TBC1D10B: variants seen among roughly 807,000 people sequenced by gnomAD.
TBC1D10B encodes Rab27A-GAPbeta.
A neutral mutation model predicts 78.4 loss-of-function variants in TBC1D10B; 25 were observed. The observed-to-expected ratio is 0.32, with a 90% confidence interval of 0.23 to 0.45. TBC1D10B has a LOEUF of 0.45. Among genes scored for constraint, TBC1D10B ranks in the 20% least tolerant of loss-of-function variants. TBC1D10B has a pLI of 1.00. For synonymous variants in TBC1D10B, 517 were observed against 478.0 expected, an observed-to-expected ratio of 1.08 and a Z score of -1.06; for missense variants, 996 against 1,104.8, an observed-to-expected ratio of 0.90 and a Z score of 1.40.
rs548533806 is a variant in TBC1D10B, at chr16:30,369,692, G to A, written c.492C>T (p.Ala164=). 3 of 1,524,296 alleles carry A rather than the reference G, an allele frequency of 2.0e-6. No homozygotes were observed. Among genetic ancestry groups the A allele is most frequent in the Admixed American group, 4.3e-5 (2 of 46,832 alleles). The allele number at this position is 1,524,296 out of a possible 1,614,324, so 94.4% of individuals were successfully genotyped here. Residue 164 remains alanine (A), a synonymous_variant, in exon 1 of 9, where the codon GCC becomes GCT. Transcript: ENST00000409939. The surrounding 1 kb of genome is among the most constrained non-coding windows in gnomAD (Gnocchi z 4.3). ...TRTPSRTAPG[A]LTAKPPLAPK... ...GGGCAAGCGGGGGTTTGGCGGTCAG[G>A]GCACCAGGAGCCGTTCTGGAAGGGG...
intron 7 of TBC1D10B, 148 bp downstream of exon 7, chr16:30,359,024 G>T: frequency 8.1e-7 from 1 of 1,241,872 alleles, no homozygotes; most frequent in Non-Finnish European, 1.1e-6. Flanking sequence ...ACTAAAATCA[G>T]GCCTGTTTCT....
intron 4 of TBC1D10B, among the ~76,000 whole-genome samples, chr16:30,362,418 C>T (rs1239419768): frequency 6.6e-6 from 1 of 152,230 alleles, no homozygotes; most frequent in Non-Finnish European, 1.5e-5. Context: ...CTACATTTTG[C>T]TCCCAATCAC....
chr16:30,358,983 C>T, intron 7 of TBC1D10B, 166 bp from the exon 8 acceptor site: 1 of 1,202,354 alleles, frequency 8.3e-7, no homozygotes, highest in South Asian at 1.6e-5. Context: ...AGGATCTTGG[C>T]AGGGAGAGCA....
rs1027548338 is a variant in TBC1D10B, at chr16:30,365,022, G to A, written c.1165-16C>T. The A allele has an allele frequency of 1.4e-5, 22 of 1,612,816 alleles. No homozygotes were observed. Among genetic ancestry groups the A allele is most frequent in the Admixed American group, 6.7e-5 (4 of 59,862 alleles). On this transcript the variant is annotated splice_polypyrimidine_tract_variant and intron_variant, in intron 3 of 8. Transcript: ENST00000409939. The surrounding 1 kb of genome is among the most constrained non-coding windows in gnomAD (Gnocchi z 5.0). The stretch of plus-strand genomic sequence containing the variant: ...GTTCCAGCTCCTGCAGTGGGACAGT[G>A]GGGATTACCTCAGCATCTGGGGGAA...
intron 4 of TBC1D10B, among the ~76,000 whole-genome samples, chr16:30,364,278 TA>T (rs1044963169): frequency 6.6e-6 from 1 of 151,884 alleles, no homozygotes; most frequent in African/African-American, 2.4e-5. Flanking sequence ...CCGTCTCTGC[TA>T]AAAACACAAA....
At chr16:30,362,365 G>T (rs140511442) in intron 4 of TBC1D10B, among the ~76,000 whole-genome samples, 2 of 152,238 alleles carry the variant, frequency 1.3e-5, no homozygotes, top group African/African-American at 4.8e-5. Context: ...GACTTTATTG[G>T]ACCCTTCAGC....
chr16:30,369,278 G>C lies in TBC1D10B; in HGVS notation c.906C>G (p.Arg302=). Residue 302 remains arginine (R), a synonymous_variant, in exon 1 of 9, where the codon CGC becomes CGG. Transcript: ENST00000409939. The surrounding 1 kb of genome is among the most constrained non-coding windows in gnomAD (Gnocchi z 4.3). ...SDSEINGLAL[R]KTDKYGFLGG... The stretch of plus-strand genomic sequence containing the variant: ...CAAGGAAGCCATACTTGTCCGTCTT[G>C]CGCAGGGCCAGCCCGTTTATCTCTG... The C allele has an allele frequency of 1.3e-6, 2 of 1,588,268 alleles. No homozygotes were observed. Among genetic ancestry groups the C allele is most frequent in the Non-Finnish European group, 1.7e-6 (2 of 1,168,050 alleles).
Position 30,365,164 on chromosome 16 carries a change from C to T in TBC1D10B, c.1105G>A (p.Ala369Thr). 4 of 1,613,990 alleles carry T rather than the reference C, an allele frequency of 2.5e-6. No homozygotes were observed. The highest frequency in any genetic ancestry group is 3.4e-6 in the Non-Finnish European group (4 of 1,179,876). The change falls in exon 3 of 9, where the codon GCC becomes ACC. Residue 369 changes from alanine (A) to threonine (T), a missense_variant. Ala to Thr is a moderately conservative substitution (Grantham distance 58, BLOSUM62 0). Coordinates refer to ENST00000409939, the MANE Select transcript of TBC1D10B (RefSeq NM_015527.4). This position sits in a 1 kb window ranked among gnomAD's most constrained non-coding sequence, Gnocchi z 5.0. ...TTGCTATTAGACAGGTACTGCCAGG[C>T]TTTGGCTCTGAGAGAGGAGGGGATC... ...KGIPSSLRAK[A>T]WQYLSNSKEL...
chr16:30,359,520 C>T lies in TBC1D10B; in HGVS notation c.1452+18G>A. 6.4e-7 allele frequency: 1 copy of T among 1,555,466 alleles called. No homozygotes were observed. ...GAAACGCCACAGCCCCGGATGCACC[C>T]AGCCTCCAGACACTCACCAGCCCTG... On this transcript the variant is annotated intron_variant, in intron 6 of 8. Transcript: ENST00000409939.
Position 30,357,411 on chromosome 16 carries a change from G to A in TBC1D10B, c.*533C>T, listed in dbSNP as rs1380898515. 1 of 169,858 alleles carries A rather than the reference G, an allele frequency of 5.9e-6. No individual in the cohort carries two copies. The allele number at this position is 169,858 out of a possible 1,614,324, so 10.5% of individuals were successfully genotyped here. ...CCCCTTAAATAAACTGGGTACAGGA[G>A]CATTATGGAAGGAGAACCAAAGGAC... On this transcript the variant is annotated 3_prime_UTR_variant, in exon 9 of 9. Transcript: ENST00000409939.
At position 30,358,779 on chromosome 16, in the gene TBC1D10B, G is replaced by A. The variant is rs372483810; in HGVS notation, c.1681C>T (p.Arg561Cys). The A allele has an allele frequency of 2.2e-5, 35 of 1,608,994 alleles. No homozygotes were observed. Among genetic ancestry groups the A allele is most frequent in the Admixed American group, 1.3e-4 (8 of 59,270 alleles). ...TTCTCCACTGAGCCCAGCGTGTGGC[G>A]CAGCAGGACCAGGGCCACCCGGAAG... ...IIFRVALVLLRHTLGSVEKLR... is the reference protein window; with the variant it reads ...IIFRVALVLLCHTLGSVEKLR... The change falls in exon 8 of 9, where the codon CGC becomes TGC. Residue 561 changes from arginine (R) to cysteine (C), a missense_variant. By Grantham distance (180) the Arg-to-Cys change is radical (BLOSUM62 -3). This residue lies in a region of TBC1D10B where 168 missense variants were observed against 238.7 expected (regional missense o/e 0.70). Transcript: ENST00000409939.
At position 30,358,354 on chromosome 16, in the gene TBC1D10B, C is replaced by A. The variant is rs372281816; in HGVS notation, c.2017G>T (p.Ala673Ser). ...PGLKSRGSRAAGGAPSPPPPV... is the reference protein window; with the variant it reads ...PGLKSRGSRASGGAPSPPPPV... Reference sequence around the variant, plus strand: ...GGCGGCGGGGACGGGGCCCCTCCAGCTGCCCGGGAGCCTCGGCTCTTGAGG... The same window carrying A: ...GGCGGCGGGGACGGGGCCCCTCCAGATGCCCGGGAGCCTCGGCTCTTGAGG... The change falls in exon 9 of 9, where the codon GCT becomes TCT. Residue 673 changes from alanine (A) to serine (S), a missense_variant. Physicochemically the swap from Ala to Ser is moderately conservative, Grantham distance 99. This residue lies in a region of TBC1D10B where 285 missense variants were observed against 252.5 expected (regional missense o/e 1.13). Transcript: ENST00000409939. 36 of 1,558,358 alleles carry A rather than the reference C, an allele frequency of 2.3e-5. No homozygotes were observed. In the African/African-American group the frequency reaches 3.0e-4, roughly 13 times the overall value.
chr16:30,357,114 G>C lies in TBC1D10B; in HGVS notation c.*830C>G, dbSNP rs1418807711. 6.5e-6 allele frequency: 1 copy of C among 152,918 alleles called. No homozygotes were observed. The highest frequency in any genetic ancestry group is 1.5e-5 in the Non-Finnish European group (1 of 68,256). 9.5% of individuals were successfully genotyped at this position (152,918 alleles called of 1,614,324 possible). On this transcript the variant is annotated 3_prime_UTR_variant, in exon 9 of 9. Coordinates refer to ENST00000409939, the MANE Select transcript of TBC1D10B (RefSeq NM_015527.4). ...GCAGAAAACAGGCCCAGGTACAACA[G>C]CAGGTTCTTTTCCAATTCCTCAAAG...
intron 4 of TBC1D10B, among the ~76,000 whole-genome samples, chr16:30,362,834 C>T (rs1334537678): frequency 2.0e-5 from 3 of 152,062 alleles, no homozygotes; most frequent in African/African-American, 7.2e-5. Flanking sequence ...GTCAGGAGTT[C>T]GAGACCAGCC....
At chr16:30,364,097 A>C (rs548492477) in intron 4 of TBC1D10B, among the ~76,000 whole-genome samples, 12 of 151,650 alleles carry the variant, frequency 7.9e-5, no homozygotes, top group African/African-American at 2.9e-4. Context: ...TGCCTCGGCA[A>C]CAAGAGCAAA....
In TBC1D10B at chr16:30,370,209, C is replaced by T. The variant is rs1382895412; in HGVS notation, c.-26G>A. The T allele has an allele frequency of 1.8e-6, 2 of 1,119,640 alleles. No individual in the cohort carries two copies. The highest frequency in any genetic ancestry group is 4.3e-5 in the South Asian group (1 of 23,090). The allele number at this position is 1,119,640 out of a possible 1,614,324, so 69.4% of individuals were successfully genotyped here. A position where few individuals can be genotyped will look rare whatever the true frequency, so the allele number is the denominator to read the frequency against. On this transcript the variant is annotated 5_prime_UTR_variant, in exon 1 of 9. Coordinates refer to ENST00000409939, the MANE Select transcript of TBC1D10B (RefSeq NM_015527.4). The stretch of plus-strand genomic sequence containing the variant: ...GGCCGCGGGCCGCCCCTCACATCCC[C>T]CCGCCGGGGAGGCCGCAGAAGGCGC...
chr16:30,359,433 C>CTG, intron 6 of TBC1D10B, 72 bp from the exon 7 acceptor site: 1 of 1,545,982 alleles, frequency 6.5e-7, no homozygotes, highest in East Asian at 2.5e-5. Flanking sequence ...CTGGCCGGCC[C>CTG]TGTGGGCAGA....
At position 30,359,329 on chromosome 16, in the gene TBC1D10B, A is replaced by G. The variant is rs147343481; in HGVS notation, c.1485T>C (p.Phe495=). 180 of 1,584,882 alleles carry G rather than the reference A, an allele frequency of 1.1e-4. No individual in the cohort carries two copies. Among genetic ancestry groups the G allele is most frequent in the Non-Finnish European group, 1.5e-4 (173 of 1,166,242 alleles). The change falls in exon 7 of 9, where the codon TTT becomes TTC. Residue 495 remains phenylalanine (F), a synonymous_variant. Transcript: ENST00000409939. The part of the protein sequence containing the change: ...EAIQLDGEIF[F]ALLRRASPLA... ...GCGGGGAGGCCCGGCGCAGGAGTGCAAAAAAGATCTCCCCGTCCAGCTGAA... is the reference window on the plus strand; with the variant it reads ...GCGGGGAGGCCCGGCGCAGGAGTGCGAAAAAGATCTCCCCGTCCAGCTGAA...
In TBC1D10B at chr16:30,357,922, C is replaced by T. The variant is rs900278129; in HGVS notation, c.*22G>A. The T allele has an allele frequency of 1.9e-6, 3 of 1,539,912 alleles. No individual in the cohort carries two copies. The highest frequency in any genetic ancestry group is 2.7e-5 in the African/African-American group (2 of 72,828). On this transcript the variant is annotated 3_prime_UTR_variant, in exon 9 of 9. Transcript: ENST00000409939. ...GGCTGAGGGAAAGAGGGGGGCCATG[C>T]AGTCCAGCCCCAGGGCAGAGGTCAG... is the stretch of plus-strand genomic sequence containing the variant.
Sources: gnomAD v4.1 joint callset for allele counts (sites outside exome capture counted in the v4.1 genomes callset) on GRCh38, gnomAD v4.1.1 for gene constraint, gnomAD v4.1.1 regional missense constraint, Gnocchi (gnomAD v3.1) non-coding constraint, MANE v1.5 for transcripts, NCBI Gene and HGNC (gene_info 2026-07-23, HGNC 2026-07-21) for gene names.